Variants in KAZN observed in about 807,000 individuals in gnomAD.
KAZN encodes kazrin, periplakin interacting protein.
Under a neutral mutation model 87.4 loss-of-function variants are expected in KAZN, and 40 were observed. That is an observed-to-expected ratio of 0.46 (90% CI 0.36 to 0.60). The LOEUF (loss-of-function observed/expected upper bound fraction) is 0.60, where lower values mean the gene tolerates loss of function less well. Among genes scored for constraint, KAZN ranks in the 20% least tolerant of loss-of-function variants. The pLI, the probability that KAZN is intolerant of heterozygous loss-of-function variation, is 0.00. For missense variants in KAZN, 898 were observed against 1,073.9 expected, an observed-to-expected ratio of 0.84 and a Z score of 2.29; for synonymous variants, 466 against 458.3, an observed-to-expected ratio of 1.02 and a Z score of -0.22.
intron 1 of KAZN, among the ~76,000 whole-genome samples, chr1:13,917,269 G>C (rs1412393629): frequency 2.0e-5 from 3 of 152,134 alleles, no homozygotes; most frequent in Non-Finnish European, 4.4e-5. Flanking sequence ...ATCAAGCTAA[G>C]GTCGTTGATG....
intron 4 of KAZN, among the ~76,000 whole-genome samples, chr1:15,054,663 AAAG>A (rs1018198470): frequency 1.5e-3 from 224 of 151,608 alleles, no homozygotes; most frequent in Non-Finnish European, 2.1e-3. Flanking sequence ...AAAAAAAAAA[AAAG>A]AAGAAGAAGA....
Position 14,598,859 on chromosome 1 carries a change from G to T in KAZN, c.-139G>T, listed in dbSNP as rs1037433428. 22 of 1,427,212 alleles carry T rather than the reference G, an allele frequency of 1.5e-5. No individual in the cohort carries two copies. Among genetic ancestry groups the T allele is most frequent in the Admixed American group, 1.1e-4 (3 of 26,472 alleles). 88.4% of individuals were successfully genotyped at this position (1,427,212 alleles called of 1,614,324 possible). On this transcript the variant is annotated 5_prime_UTR_variant, in exon 1 of 15. Coordinates refer to ENST00000376030, the MANE Select transcript of KAZN (RefSeq NM_201628.3). This position sits in a 1 kb window ranked among gnomAD's most constrained non-coding sequence, Gnocchi z 4.2. The stretch of plus-strand genomic sequence containing the variant: ...CTGTGCCGGAGGAACCGGCGCTGCC[G>T]GTGCCTGGGGGTCGGGGCGCGGGCG...
chr1:14,671,207 G>A (rs576117838), intron 1 of KAZN, among the ~76,000 whole-genome samples: 1 of 152,314 alleles, frequency 6.6e-6, no homozygotes, highest in East Asian at 1.9e-4. Flanking sequence ...CACAGCGCAT[G>A]CTGCTATCTA....
chr1:13,990,097 C>T (rs1639208275), intron 1 of KAZN, among the ~76,000 whole-genome samples: 1 of 152,188 alleles, frequency 6.6e-6, no homozygotes, highest in Admixed American at 6.5e-5. Flanking sequence ...ACAAACTTTA[C>T]TTTAGAAAGA....
chr1:14,009,744 C>T (rs1640200738), intron 1 of KAZN, among the ~76,000 whole-genome samples: 1 of 152,216 alleles, frequency 6.6e-6, no homozygotes, highest in South Asian at 2.1e-4. Flanking sequence ...TACTGTGGGA[C>T]AGAGAATACA....
At chr1:14,118,967 G>T (rs1408991908) in intron 1 of KAZN, among the ~76,000 whole-genome samples, 1 of 152,152 alleles carries the variant, frequency 6.6e-6, no homozygotes, top group African/African-American at 2.4e-5. Flanking sequence ...TTCCAGATTT[G>T]CCAGGATATC....
intron 2 of KAZN, among the ~76,000 whole-genome samples, chr1:14,434,033 C>A (rs553144827): frequency 6.6e-6 from 1 of 152,152 alleles, no homozygotes. Flanking sequence ...TTTTCAACCT[C>A]CAGAACTGTT....
intron 2 of KAZN, among the ~76,000 whole-genome samples, chr1:14,313,514 C>T (rs1017933153): frequency 1.5e-4 from 23 of 152,144 alleles, no homozygotes; most frequent in African/African-American, 5.5e-4. Flanking sequence ...TTATAAGCCA[C>T]TTAAAGTCAT....
chr1:14,534,481 C>T (rs1254653034), intron 2 of KAZN, among the ~76,000 whole-genome samples: 3 of 152,058 alleles, frequency 2.0e-5, no homozygotes, highest in African/African-American at 7.2e-5. Flanking sequence ...CCCATCTCTA[C>T]TAAAAATGCA....
At chr1:13,999,986 G>C (rs532295703) in intron 1 of KAZN, among the ~76,000 whole-genome samples, 2 of 152,252 alleles carry the variant, frequency 1.3e-5, no homozygotes, top group East Asian at 3.9e-4. Context: ...ACCTTCCCAA[G>C]ACTAAACCAG....
At chr1:15,114,253 C>G in intron 14 of KAZN, 1 of 499,180 alleles carries the variant, frequency 2.0e-6, no homozygotes, top group Non-Finnish European at 3.6e-6. Flanking sequence ...TGAATCCTTC[C>G]GGGGGCAGGG....
chr1:14,392,454 T>A (rs549519322), intron 2 of KAZN, among the ~76,000 whole-genome samples: 2 of 152,222 alleles, frequency 1.3e-5, no homozygotes, highest in East Asian at 3.9e-4. Flanking sequence ...TCTTCAGATG[T>A]TCAAGGCGGG....
intron 2 of KAZN, among the ~76,000 whole-genome samples, chr1:14,290,185 GT>G (rs1456313420): frequency 6.6e-6 from 1 of 152,126 alleles, no homozygotes; most frequent in Non-Finnish European, 1.5e-5. Context: ...GAGTATCTTT[GT>G]GGTGTTCTCT....
At chr1:14,396,454 A>G (rs568686566) in intron 2 of KAZN, among the ~76,000 whole-genome samples, 1 of 152,350 alleles carries the variant, frequency 6.6e-6, no homozygotes, top group Non-Finnish European at 1.5e-5. Flanking sequence ...ACCAAAGGCC[A>G]ATATCTAACT....
At chr1:14,293,924 T>C (rs527434531) in intron 2 of KAZN, among the ~76,000 whole-genome samples, 11 of 152,182 alleles carry the variant, frequency 7.2e-5, no homozygotes, top group Non-Finnish European at 1.3e-4. Context: ...GCAGAGACTC[T>C]CTTCCAACAG....
intron 2 of KAZN, among the ~76,000 whole-genome samples, chr1:14,539,777 A>G (rs931846605): frequency 3.9e-5 from 6 of 152,096 alleles, no homozygotes; most frequent in African/African-American, 1.4e-4. Context: ...TGTTATCTCC[A>G]AGAATTAGTG....
rs144842094 is a variant in KAZN at position 14,087,265 on chromosome 1, C to G, written c.92-93170C>G. Among the ~76,000 whole-genome samples the G allele has an allele frequency of 6.5e-3, 990 of 152,180 alleles. 10 individuals carry two copies. In the South Asian group the frequency reaches 0.066, roughly 10 times the overall value. ...ATTTTCATATTTAATTTCCAATTTT[C>G]TTTGGCAATATATAGAAATACAAAT... is the stretch of plus-strand genomic sequence containing the variant. On this transcript the variant is annotated intron_variant, in intron 1 of 16. Coordinates refer to the KAZN transcript ENST00000636203.
intron 1 of KAZN, among the ~76,000 whole-genome samples, chr1:14,637,919 G>T (rs1245932575): frequency 1.3e-5 from 2 of 152,058 alleles, no homozygotes; most frequent in Non-Finnish European, 2.9e-5. Flanking sequence ...GTGCCAGCAG[G>T]GTTGGCTCAT....
intron 2 of KAZN, among the ~76,000 whole-genome samples, chr1:14,355,219 G>A (rs1658909566): frequency 6.6e-6 from 1 of 152,008 alleles, no homozygotes; most frequent in Admixed American, 6.6e-5. Flanking sequence ...GAACAAGAAG[G>A]AACTTTCTGG....
Sources: allele counts gnomAD v4.1 joint callset (sites outside exome capture counted in the v4.1 genomes callset), GRCh38; gene constraint gnomAD v4.1.1; non-coding constraint Gnocchi (gnomAD v3.1); transcripts MANE v1.5; gene names NCBI Gene and HGNC (gene_info 2026-07-23, HGNC 2026-07-21).